DDC: variants seen among roughly 807,000 people sequenced by gnomAD.
DDC encodes dopa decarboxylase, also known as aromatic-L-amino-acid decarboxylase.
Under a neutral mutation model 60.0 loss-of-function variants are expected in DDC, and 43 were observed. The ratio of observed to expected loss-of-function variants is 0.72; its 90% CI spans 0.56 to 0.92. The LOEUF is 0.92. DDC is among the 40% of genes least tolerant of loss of function. The pLI, the probability that DDC is intolerant of heterozygous loss-of-function variation, is 0.00. For synonymous variants in DDC, 232 were observed against 234.6 expected, an observed-to-expected ratio of 0.99 and a Z score of 0.10; for missense variants, 573 against 620.2, an observed-to-expected ratio of 0.92 and a Z score of 0.81.
At chr7:50,507,600 T>G (rs571535525) in intron 6 of DDC, among the ~76,000 whole-genome samples, 13 of 152,330 alleles carry the variant, frequency 8.5e-5, no homozygotes, top group African/African-American at 2.9e-4. Flanking sequence ...TATTAATGTG[T>G]GCATAGAAGA....
At chr7:50,535,306 C>T (rs2044365260) in intron 4 of DDC, among the ~76,000 whole-genome samples, 1 of 152,092 alleles carries the variant, frequency 6.6e-6, no homozygotes, top group Non-Finnish European at 1.5e-5. Context: ...GCCACCACAC[C>T]TGGATAATTT....
rs200941067 is a variant in DDC, at chr7:50,509,653, AAATG to A, written c.715-5598_715-5595del. Among the ~76,000 whole-genome samples, 523 of 152,266 alleles carry A rather than the reference AAATG, an allele frequency of 3.4e-3. 5 individuals carry two copies. Among genetic ancestry groups the A allele is most frequent in the African/African-American group, 0.012 (479 of 41,570 alleles). On this transcript the variant is annotated intron_variant, in intron 6 of 14. Transcript: ENST00000444124. The stretch of plus-strand genomic sequence containing the variant: ...AAATCGTAAATTACTTCCTCTTAGC[AAATG>A]AATGAATGAATGAATGAATGAGTCA...
At chr7:50,472,207 T>G (rs2042548855) in intron 11 of DDC, among the ~76,000 whole-genome samples, 1 of 152,130 alleles carries the variant, frequency 6.6e-6, no homozygotes, top group African/African-American at 2.4e-5. Flanking sequence ...GGACTCTGTC[T>G]CATTTGCCTT....
chr7:50,564,583 A>G (rs1360245639), intron 1 of DDC, among the ~76,000 whole-genome samples: 2 of 152,216 alleles, frequency 1.3e-5, no homozygotes, highest in Non-Finnish European at 2.9e-5. Context: ...TTTGATTCTT[A>G]TATACTTCCG....
chr7:50,563,587 C>T (rs2045382846), intron 1 of DDC, among the ~76,000 whole-genome samples: 1 of 152,036 alleles, frequency 6.6e-6, no homozygotes. Flanking sequence ...GTAAAACTTT[C>T]ATAATTTTAT....
chr7:50,547,274 G>A (rs957905578), intron 1 of DDC, among the ~76,000 whole-genome samples: 3 of 151,202 alleles, frequency 2.0e-5, no homozygotes, highest in South Asian at 4.2e-4. Context: ...GCAGTGGTGC[G>A]ATCTTGGCTC....
At chr7:50,548,852 G>T (rs972430296) in intron 1 of DDC, among the ~76,000 whole-genome samples, 1 of 152,166 alleles carries the variant, frequency 6.6e-6, no homozygotes, top group Non-Finnish European at 1.5e-5. Context: ...GTCAATGCCC[G>T]GCTTCAAAAC....
At chr7:50,499,712 G>C (rs2043206045) in intron 7 of DDC, among the ~76,000 whole-genome samples, 2 of 152,142 alleles carry the variant, frequency 1.3e-5, no homozygotes, top group African/African-American at 2.4e-5. Context: ...CCACCACCAG[G>C]TGAAGTTCTT....
rs1299045917 is a variant in DDC at position 50,479,808 on chromosome 7, T to C, written c.1000A>G (p.Lys334Glu). Residue 334 changes from lysine to glutamate, a missense_variant, in exon 10 of 15, where the codon AAG becomes GAG. Physicochemically the swap from Lys to Glu is moderately conservative, Grantham distance 56. Coordinates refer to ENST00000444124, the MANE Select transcript of DDC (RefSeq NM_001082971.2). Reference protein sequence around the residue: ...GAFRLDPTYLKHSHQDSGLIT... With the variant: ...GAFRLDPTYLEHSHQDSGLIT... ...TTACCTGAATCCTGATGGCTGTGCT[T>C]CAGGTAAGTGGGGTCCAGTCTAAAG... The C allele has an allele frequency of 1.8e-5, 29 of 1,613,730 alleles. No individual in the cohort carries two copies. The highest frequency in any genetic ancestry group is 2.4e-5 in the Non-Finnish European group (28 of 1,179,990).
chr7:50,557,857 G>A (rs942441101), intron 1 of DDC, among the ~76,000 whole-genome samples: 31 of 152,280 alleles, frequency 2.0e-4, no homozygotes, highest in African/African-American at 6.7e-4. Context: ...ATACAGAAAT[G>A]TCACCCACCA....
chr7:50,552,452 T>C (rs1055500687), intron 1 of DDC, among the ~76,000 whole-genome samples: 1 of 152,200 alleles, frequency 6.6e-6, no homozygotes, highest in Non-Finnish European at 1.5e-5. Context: ...CTGTGCACGG[T>C]GAGCTGGCTG....
chr7:50,508,911 C>T (rs895112935), intron 6 of DDC, among the ~76,000 whole-genome samples: 1 of 152,174 alleles, frequency 6.6e-6, no homozygotes, highest in Non-Finnish European at 1.5e-5. Context: ...TTTCTGATCT[C>T]TGTACGCTGC....
chr7:50,465,054 A>G (rs768231348), intron 13 of DDC, among the ~76,000 whole-genome samples: 1 of 152,248 alleles, frequency 6.6e-6, no homozygotes, highest in Non-Finnish European at 1.5e-5. Flanking sequence ...ATATGGCATG[A>G]GAGAAGAATG....
rs373228233 is a variant in DDC at position 50,472,286 on chromosome 7, T to C, written c.1042-2115A>G. Among the ~76,000 whole-genome samples, 5 of 152,320 alleles carry C rather than the reference T, an allele frequency of 3.3e-5. No individual in the cohort carries two copies. In the East Asian group the frequency reaches 9.7e-4, roughly 29 times the overall value. ...GGCCAGCCCACATTTTGTGGAAGATTGTTGATGGACGTACTTAAATAAATC... is the reference window on the plus strand; with the variant it reads ...GGCCAGCCCACATTTTGTGGAAGATCGTTGATGGACGTACTTAAATAAATC... On this transcript the variant is annotated intron_variant, in intron 11 of 14. Coordinates refer to ENST00000444124, the MANE Select transcript of DDC (RefSeq NM_001082971.2).
intron 1 of DDC, among the ~76,000 whole-genome samples, chr7:50,549,500 A>C (rs774283080): frequency 6.6e-6 from 1 of 152,020 alleles, no homozygotes; most frequent in Non-Finnish European, 1.5e-5. Flanking sequence ...AAAATACAAA[A>C]AAAATTAGCC....
At chr7:50,495,479 A>G (rs2043107792) in intron 8 of DDC, 62 bp from the exon 9 acceptor site, 2 of 1,280,048 alleles carry the variant, frequency 1.6e-6, no homozygotes, top group Non-Finnish European at 2.2e-6. Flanking sequence ...AATTATAAAG[A>G]AGACCCCATA....
intron 2 of DDC, chr7:50,543,067 A>T (rs11575298): frequency 6.5e-6 from 1 of 152,742 alleles, no homozygotes; most frequent in African/African-American, 2.4e-5. Flanking sequence ...GCAGTGATCA[A>T]CCAGTGGAGC....
chr7:50,544,423 A>G (rs1028661338), intron 1 of DDC, among the ~76,000 whole-genome samples: 3 of 152,188 alleles, frequency 2.0e-5, no homozygotes, highest in Admixed American at 2.0e-4. Flanking sequence ...TTAATGACAA[A>G]CACTGGTCCA....
intron 8 of DDC, among the ~76,000 whole-genome samples, chr7:50,497,344 C>T (rs1228988759): frequency 6.6e-6 from 1 of 152,110 alleles, no homozygotes; most frequent in Non-Finnish European, 1.5e-5. Flanking sequence ...AATGAGGCAC[C>T]CTTCTATGAA....
Sources: gnomAD v4.1 joint callset for allele counts (sites outside exome capture counted in the v4.1 genomes callset) on GRCh38, gnomAD v4.1.1 for gene constraint, MANE v1.5 for transcripts, NCBI Gene and HGNC (gene_info 2026-07-23, HGNC 2026-07-21) for gene names.